FAM151B: variants seen among roughly 807,000 people sequenced by gnomAD.
FAM151B encodes family with sequence similarity 151 member B.
In FAM151B, 24 loss-of-function variants were observed where a neutral mutation model predicts 31.2. The ratio of observed to expected loss-of-function variants is 0.77; its 90% CI spans 0.56 to 1.08. The LOEUF (loss-of-function observed/expected upper bound fraction) is 1.08. FAM151B is among the 50% of genes least tolerant of loss of function. The pLI, the probability that FAM151B is intolerant of heterozygous loss-of-function variation, is 0.00. For synonymous variants in FAM151B, 105 were observed against 111.4 expected (o/e 0.94, Z 0.36); for missense variants, 293 against 328.6 (o/e 0.89, Z 0.84).
intron 1 of FAM151B, among the ~76,000 whole-genome samples, chr5:80,493,653 A>C (rs763450445): frequency 6.6e-6 from 1 of 152,142 alleles, no homozygotes; most frequent in African/African-American, 2.4e-5. Flanking sequence ...CGGTTGATAT[A>C]AGGATTGAAA....
At chr5:80,538,454 C>CTT (rs570783127) in intron 5 of FAM151B, among the ~76,000 whole-genome samples, 2 of 62,966 alleles carry the variant, frequency 3.2e-5, no homozygotes, top group Admixed American at 1.7e-4. Context: ...CTTTCTCTTT[C>CTT]TTTCTTTCTT....
At chr5:80,538,452 T>TC (rs1745665773) in intron 5 of FAM151B, among the ~76,000 whole-genome samples, 5 of 49,546 alleles carry the variant, frequency 1.0e-4, no homozygotes, top group East Asian at 6.0e-4. Context: ...TTCTTTCTCT[T>TC]TCTTTCTTTC....
intron 1 of FAM151B, among the ~76,000 whole-genome samples, chr5:80,495,755 A>G (rs1206002062): frequency 6.0e-5 from 9 of 150,060 alleles, no homozygotes; most frequent in Admixed American, 4.0e-4. Context: ...GCATGAACCC[A>G]GGAGGCAGAG....
intron 5 of FAM151B, among the ~76,000 whole-genome samples, chr5:80,536,622 T>C (rs557954389): frequency 2.2e-4 from 33 of 152,264 alleles, no homozygotes; most frequent in African/African-American, 7.7e-4. Context: ...CTATTCACAA[T>C]AGCCAAGATT....
At chr5:80,505,561 A>AT (rs1198868868) in intron 2 of FAM151B, among the ~76,000 whole-genome samples, 2 of 151,128 alleles carry the variant, frequency 1.3e-5, no homozygotes, top group East Asian at 2.0e-4. Context: ...CGCCTGGCTA[A>AT]TTTTTTGTAT....
intron 3 of FAM151B, among the ~76,000 whole-genome samples, chr5:80,514,458 A>G (rs1744328620): frequency 6.7e-6 from 1 of 148,940 alleles, no homozygotes; most frequent in South Asian, 2.1e-4. Context: ...CTGGGCTACA[A>G]GAGTGAAACT....
intron 2 of FAM151B, among the ~76,000 whole-genome samples, chr5:80,506,378 A>G (rs938694883): frequency 7.2e-5 from 11 of 152,242 alleles, no homozygotes; most frequent in African/African-American, 2.7e-4. Flanking sequence ...CACCAAGGAC[A>G]GTGAAGAAAA....
At position 80,541,969 on chromosome 5, in the gene FAM151B, T is replaced by C; in HGVS notation, c.*137T>C. 3 of 888,390 alleles carry C rather than the reference T, an allele frequency of 3.4e-6. No homozygotes were observed. Among genetic ancestry groups the C allele is most frequent in the Non-Finnish European group, 5.1e-6 (3 of 591,956 alleles). 55.0% of individuals were successfully genotyped at this position (888,390 alleles called of 1,614,324 possible). On this transcript the variant is annotated 3_prime_UTR_variant, in exon 6 of 6. Transcript: ENST00000282226. ...AATCAAGAAACGTTTATTGTATGCT[T>C]ACTCTGTGGGCATATGTCCTTATAA... is the stretch of plus-strand genomic sequence containing the variant.
rs369527100 is a variant in FAM151B, at chr5:80,507,337, C to A, written c.151+5420C>A. ...CTCTGACCTAGCTTTAGAGGTAATA[C>A]AAGTATACTTTGATCCCTGTCTACT... On this transcript the variant is annotated intron_variant, in intron 2 of 5. Coordinates refer to ENST00000282226, the MANE Select transcript of FAM151B (RefSeq NM_205548.3). Among the ~76,000 whole-genome samples the A allele has an allele frequency of 1.3e-4, 20 of 152,296 alleles. 1 individual carries two copies. The highest frequency in any genetic ancestry group is 4.3e-4 in the African/African-American group (18 of 41,560).
chr5:80,504,452 C>T (rs1243469320), intron 2 of FAM151B, among the ~76,000 whole-genome samples: 1 of 150,728 alleles, frequency 6.6e-6, no homozygotes, highest in African/African-American at 2.4e-5. Context: ...TCAACTTGCC[C>T]ATTTACTGAT....
chr5:80,527,226 C>T (rs555158952), intron 5 of FAM151B, among the ~76,000 whole-genome samples: 3 of 152,150 alleles, frequency 2.0e-5, no homozygotes, highest in African/African-American at 7.2e-5. Context: ...AGTTCGAGAC[C>T]AGCCTAGTTA....
chr5:80,521,909 A>AT (rs1167228674), intron 4 of FAM151B, 94 bp from the exon 5 acceptor site: 29 of 858,292 alleles, frequency 3.4e-5, no homozygotes, highest in Non-Finnish European at 4.9e-5. Context: ...TGAATTATCT[A>AT]TGGTTTTACC....
At chr5:80,538,448 C>CTTTCTTTCTCTTTCTTTGTTTCTT (rs1235874356) in intron 5 of FAM151B, among the ~76,000 whole-genome samples, 3 of 49,348 alleles carry the variant, frequency 6.1e-5, no homozygotes, top group African/African-American at 3.0e-4. Context: ...TTCTTTCTTT[C>CTTTCTTTCTCTTTCTTTGTTTCTT]TCTTTCTTTC....
chr5:80,521,912 G>T, intron 4 of FAM151B, 91 bp from the exon 5 acceptor site: 1 of 891,612 alleles, frequency 1.1e-6, no homozygotes. Flanking sequence ...ATTATCTATG[G>T]TTTTACCTAA....
chr5:80,538,146 C>T lies in FAM151B; in HGVS notation c.672-3527C>T, dbSNP rs531989770. Among the ~76,000 whole-genome samples, 13 of 151,628 alleles carry T rather than the reference C, an allele frequency of 8.6e-5. No individual in the cohort carries two copies. The East Asian group carries it at 2.5e-3, about 29-fold the overall frequency. On this transcript the variant is annotated intron_variant, in intron 5 of 5. Transcript: ENST00000282226. Reference sequence around the variant, plus strand: ...TCAGTGGCGCGATTTCGGGTCACTGCAACCTCCACCTCCCGGGTTCAAGTG... The same window carrying T: ...TCAGTGGCGCGATTTCGGGTCACTGTAACCTCCACCTCCCGGGTTCAAGTG...
chr5:80,540,199 C>G (rs1213159645), intron 5 of FAM151B, among the ~76,000 whole-genome samples: 1 of 152,160 alleles, frequency 6.6e-6, no homozygotes, highest in Admixed American at 6.5e-5. Flanking sequence ...TATCGTATCT[C>G]CTCAGCCTCC....
At chr5:80,498,212 G>A (rs534268272) in intron 1 of FAM151B, among the ~76,000 whole-genome samples, 2 of 152,310 alleles carry the variant, frequency 1.3e-5, no homozygotes, top group Admixed American at 6.5e-5. Context: ...TGATGGCCAT[G>A]TGTTGCCATC....
intron 5 of FAM151B, among the ~76,000 whole-genome samples, chr5:80,538,053 CTTTTAT>C (rs923292290): frequency 2.0e-4 from 29 of 143,748 alleles, no homozygotes; most frequent in Non-Finnish European, 3.6e-4. Context: ...TTCCTTTTTA[CTTTTAT>C]TTTTATTTTA....
At chr5:80,537,430 C>G (rs1191448297) in intron 5 of FAM151B, among the ~76,000 whole-genome samples, 1 of 152,128 alleles carries the variant, frequency 6.6e-6, no homozygotes, top group East Asian at 1.9e-4. Context: ...AATGTTTTAC[C>G]TTCTTCAATG....
Sources: allele counts gnomAD v4.1 joint callset (sites outside exome capture counted in the v4.1 genomes callset), GRCh38; gene constraint gnomAD v4.1.1; transcripts MANE v1.5; gene names NCBI Gene and HGNC (gene_info 2026-07-23, HGNC 2026-07-21).